Variants in DEUP1 observed in about 807,000 individuals in gnomAD.
DEUP1 encodes deuterosome assembly protein 1.
DEUP1 carries 82 observed loss-of-function variants against 87.4 expected under a neutral mutation model. The observed-to-expected ratio is 0.94, with a 90% confidence interval of 0.78 to 1.13. The LOEUF (loss-of-function observed/expected upper bound fraction) is 1.13, where lower values mean the gene tolerates loss of function less well. Ranked by LOEUF, DEUP1 falls within the 50% of genes most tolerant of loss-of-function variation. DEUP1 has a pLI of 0.00. For missense variants in DEUP1, 663 were observed against 681.5 expected (o/e 0.97, Z 0.30); for synonymous variants, 214 against 222.7 (o/e 0.96, Z 0.35).
Position 93,370,171 on chromosome 11 carries a change from G to T in DEUP1, c.531G>T (p.Lys177Asn). ...CTCAACAAAAATTATTATCTGAGAA[G>T]TGTAATCAGTTTCAGGTAAGTTATC... The part of the protein sequence containing the change: ...LDAQQKLLSE[K>N]CNQFQKQAQS... The change falls in exon 6 of 14, where the codon AAG becomes AAT. Residue 177 changes from lysine (K) to asparagine (N), a missense_variant. Transcript: ENST00000298050. 6.5e-7 allele frequency: 1 copy of T among 1,550,358 alleles called. No homozygotes were observed. Among genetic ancestry groups the T allele is most frequent in the Non-Finnish European group, 8.9e-7 (1 of 1,127,004 alleles).
chr11:93,372,121 G>A (rs971296359), intron 7 of DEUP1, among the ~76,000 whole-genome samples: 17 of 151,520 alleles, frequency 1.1e-4, no homozygotes, highest in Non-Finnish European at 2.1e-4. Context: ...GTAGAGACGG[G>A]GTTTCACCGT....
intron 5 of DEUP1, 56 bp from the exon 6 acceptor site, chr11:93,370,017 T>A: frequency 1.2e-6 from 1 of 846,206 alleles, no homozygotes; most frequent in Non-Finnish European, 1.9e-6. Flanking sequence ...CCTTATTTGC[T>A]GTACTTTAAA....
chr11:93,361,876 T>C (rs1945192683), intron 4 of DEUP1, among the ~76,000 whole-genome samples: 1 of 151,970 alleles, frequency 6.6e-6, no homozygotes, highest in Admixed American at 6.6e-5. Flanking sequence ...AATATAACTA[T>C]ATAGGCAAGT....
At chr11:93,373,552 C>G (rs1945842609) in intron 7 of DEUP1, among the ~76,000 whole-genome samples, 1 of 147,570 alleles carries the variant, frequency 6.8e-6, no homozygotes, top group Admixed American at 6.8e-5. Context: ...TTGTTTCTTT[C>G]TATGGCTGTG....
intron 13 of DEUP1, among the ~76,000 whole-genome samples, chr11:93,432,106 T>TA (rs1948123859): frequency 6.6e-6 from 1 of 152,106 alleles, no homozygotes; most frequent in Admixed American, 6.6e-5. Context: ...TACTGAAGTA[T>TA]AAAAAAGAAA....
intron 2 of DEUP1, 32 bp downstream of exon 2, chr11:93,332,320 A>G (rs1298130603): frequency 4.4e-6 from 7 of 1,589,224 alleles, no homozygotes. Flanking sequence ...TTTAATAAGT[A>G]TGTGCTTAAC....
At chr11:93,355,345 G>A in intron 2 of DEUP1, 26 bp from the exon 3 acceptor site, 2 of 1,608,676 alleles carry the variant, frequency 1.2e-6, no homozygotes, top group Non-Finnish European at 1.7e-6. Flanking sequence ...ACTTTAAAAT[G>A]TATTTTACTT....
intron 2 of DEUP1, chr11:93,352,202 T>C: frequency 1.8e-6 from 1 of 566,964 alleles, no homozygotes; most frequent in South Asian, 2.5e-5. Flanking sequence ...CCTCCTGTCC[T>C]CCTCCCAGCC....
chr11:93,375,962 G>T (rs1946018350), intron 7 of DEUP1, among the ~76,000 whole-genome samples: 1 of 151,838 alleles, frequency 6.6e-6, no homozygotes, highest in Non-Finnish European at 1.5e-5. Context: ...GTTTTGTTTT[G>T]TTTTTTAAAC....
chr11:93,437,716 A>G lies in DEUP1; in HGVS notation c.1812A>G (p.Ile604Met), dbSNP rs775153395. The change falls in exon 14 of 14, where the codon ATA (isoleucine) becomes ATG (methionine). Residue 604 changes from isoleucine to methionine, a missense_variant. Ile to Met is a conservative substitution (Grantham distance 10). Coordinates refer to ENST00000298050, the MANE Select transcript of DEUP1 (RefSeq NM_181645.4). The stretch of plus-strand genomic sequence containing the variant: ...CCAAGCTAAAACAAAATAGACACAT[A>G]TGAGCTTTTAAACTTTTTTATTTGC... Reference protein sequence around the residue: ...KYSKLKQNRHI With the variant: ...KYSKLKQNRHM 1.3e-6 allele frequency: 2 copies of G among 1,562,890 alleles called. No individual in the cohort carries two copies. Among genetic ancestry groups the G allele is most frequent in the African/African-American group, 1.4e-5 (1 of 73,546 alleles).
At position 93,396,703 on chromosome 11, in the gene DEUP1, G is replaced by A. The variant is rs910283071; in HGVS notation, c.1326+378G>A. 1.8e-4 allele frequency among the ~76,000 whole-genome samples: 28 copies of A among 152,262 alleles called. 1 individual carries two copies. The highest frequency in any genetic ancestry group is 6.7e-4 in the African/African-American group (28 of 41,556). On this transcript the variant is annotated intron_variant, in intron 11 of 13. Transcript: ENST00000298050. ...CCAGTCAGAATGAATGCCACATTTAGTTCGTATTTTGTTCTGACTTGTTTT... is the reference window on the plus strand; with the variant it reads ...CCAGTCAGAATGAATGCCACATTTAATTCGTATTTTGTTCTGACTTGTTTT...
At position 93,437,527 on chromosome 11, in the gene DEUP1, T is replaced by C; in HGVS notation, c.1639-16T>C. On this transcript the variant is annotated splice_polypyrimidine_tract_variant and intron_variant, in intron 13 of 13. Transcript: ENST00000298050. The stretch of plus-strand genomic sequence containing the variant: ...CTCTGTATTCCTCACTCACTTTTCT[T>C]TCTTTCTCTCTTTAGTCTCCCCCAG... 1 of 1,592,166 alleles carries C rather than the reference T, an allele frequency of 6.3e-7. No individual in the cohort carries two copies.
intron 13 of DEUP1, among the ~76,000 whole-genome samples, chr11:93,416,068 G>C (rs572566171): frequency 6.6e-6 from 1 of 152,064 alleles, no homozygotes; most frequent in South Asian, 2.1e-4. Flanking sequence ...AGTAGGTACC[G>C]CCAAACTATT....
At chr11:93,401,629 G>C (rs764470869) in intron 11 of DEUP1, among the ~76,000 whole-genome samples, 1 of 151,832 alleles carries the variant, frequency 6.6e-6, no homozygotes, top group Non-Finnish European at 1.5e-5. Context: ...AGAGAACCCA[G>C]ATATAAACCA....
At chr11:93,387,957 A>AGG (rs1261815631) in intron 8 of DEUP1, among the ~76,000 whole-genome samples, 9 of 152,238 alleles carry the variant, frequency 5.9e-5, no homozygotes, top group Non-Finnish European at 1.3e-4. Context: ...CCGCACATAA[A>AGG]AATGCTAATG....
chr11:93,402,675 G>GAAAAAAT (rs1220498488), intron 11 of DEUP1, among the ~76,000 whole-genome samples: 2 of 151,406 alleles, frequency 1.3e-5, no homozygotes, highest in African/African-American at 2.4e-5. Flanking sequence ...TATTCAGCCA[G>GAAAAAAT]AAAAAATAAA....
intron 13 of DEUP1, among the ~76,000 whole-genome samples, chr11:93,418,695 G>T (rs1269939583): frequency 2.0e-5 from 3 of 151,988 alleles, no homozygotes; most frequent in Admixed American, 6.6e-5. Flanking sequence ...TATACCCAAA[G>T]GACTATAAAT....
In DEUP1 at chr11:93,415,070, G is replaced by C. The variant is rs765557078; in HGVS notation, c.1594G>C (p.Glu532Gln). Residue 532 changes from glutamate to glutamine, a missense_variant, in exon 13 of 14, where the codon GAA becomes CAA. Coordinates refer to ENST00000298050, the MANE Select transcript of DEUP1 (RefSeq NM_181645.4). ...GCCACCTTCGACATTTCAAGCCAAAGAAATGACAAGTCCTTTGGTTAGTGA... is the reference window on the plus strand; with the variant it reads ...GCCACCTTCGACATTTCAAGCCAAACAAATGACAAGTCCTTTGGTTAGTGA... ...PLPPSTFQAK[E>Q]MTSPLVSDDD... The C allele has an allele frequency of 4.3e-6, 7 of 1,609,894 alleles. No individual in the cohort carries two copies. In the South Asian group the frequency reaches 6.7e-5, roughly 15 times the overall value.
At chr11:93,414,382 G>C (rs767987233) in intron 12 of DEUP1, among the ~76,000 whole-genome samples, 1 of 152,116 alleles carries the variant, frequency 6.6e-6, no homozygotes, top group South Asian at 2.1e-4. Flanking sequence ...GCGTGGTGGC[G>C]GGCGCCTATA....
Sources: allele counts gnomAD v4.1 joint callset (sites outside exome capture counted in the v4.1 genomes callset), GRCh38; gene constraint gnomAD v4.1.1; transcripts MANE v1.5; gene names NCBI Gene and HGNC (gene_info 2026-07-23, HGNC 2026-07-21).